The following MAP3K7CL variants were observed in gnomAD, a reference collection of about 807,000 sequenced individuals.
MAP3K7CL encodes MAP3K7 C-terminal-like protein.
Under a neutral mutation model 18.6 loss-of-function variants are expected in MAP3K7CL, and 16 were observed. The ratio of observed to expected loss-of-function variants is 0.86; its 90% confidence interval spans 0.58 to 1.31. The LOEUF is 1.31. Among genes scored for constraint, MAP3K7CL ranks in the 50% most tolerant of loss-of-function variants. The pLI, the probability that MAP3K7CL is intolerant of heterozygous loss-of-function variation, is 0.00. For synonymous variants in MAP3K7CL, 65 were observed against 66.8 expected, an observed-to-expected ratio of 0.97 and a Z score of 0.13; for missense variants, 163 against 174.4, an observed-to-expected ratio of 0.93 and a Z score of 0.37.
rs1166550061 is a variant in MAP3K7CL at position 29,123,055 on chromosome 21, C to CTTTTTTTTTTTTTTTTTTTTTT, written c.371-26131_371-26110dup. ...AAGTCAATACTGGAGAAGAAATGAT[C>CTTTTTTTTTTTTTTTTTTTTTT]TTTTTTTTTTTTTTTTTTTTTTTTG... On this transcript the variant is annotated intron_variant, in intron 4 of 6. Transcript: ENST00000286791. Among the ~76,000 whole-genome samples the CTTTTTTTTTTTTTTTTTTTTTT allele has an allele frequency of 2.2e-5, 2 of 89,336 alleles. 1 individual carries two copies. Among genetic ancestry groups the CTTTTTTTTTTTTTTTTTTTTTT allele is most frequent in the African/African-American group, 1.1e-4 (2 of 18,944 alleles). The allele number at this position is 89,336 out of a possible 152,430, so 58.6% of individuals were successfully genotyped here. A position where few individuals can be genotyped will look rare whatever the true frequency, so the allele number is the denominator to read the frequency against.
upstream of MAP3K7CL, among the ~76,000 whole-genome samples, chr21:29,084,213 T>C (rs895737633): frequency 6.6e-6 from 1 of 151,854 alleles, no homozygotes; most frequent in Non-Finnish European, 1.5e-5. Flanking sequence ...TGGCTTAAAC[T>C]GGAAACACTA....
intron 4 of MAP3K7CL, among the ~76,000 whole-genome samples, chr21:29,173,939 A>C (rs56265201): frequency 0.03 from 4,493 of 152,260 alleles, 225 homozygotes; most frequent in African/African-American, 0.1. Context: ...TGGACTCAAG[A>C]GATATTTGCC....
intron 3 of MAP3K7CL, among the ~76,000 whole-genome samples, chr21:29,149,865 A>G (rs1241881161): frequency 6.6e-6 from 1 of 152,226 alleles, no homozygotes; most frequent in Non-Finnish European, 1.5e-5. Flanking sequence ...TCTTTAGATT[A>G]TCCATGGTGA....
chr21:29,165,821 T>C (rs1487168808), intron 4 of MAP3K7CL, among the ~76,000 whole-genome samples: 1 of 152,156 alleles, frequency 6.6e-6, no homozygotes, highest in Non-Finnish European at 1.5e-5. Flanking sequence ...ATCGGGCTGC[T>C]AAAGTGCTGG....
chr21:29,127,798 T>G (rs1452506742), upstream of MAP3K7CL: 5 of 152,276 alleles, frequency 3.3e-5, no homozygotes, highest in Admixed American at 3.3e-4. Context: ...CCAGGCTCAC[T>G]TTAATGATTC....
chr21:29,144,975 T>C (rs752141866), intron 2 of MAP3K7CL, among the ~76,000 whole-genome samples: 1 of 152,234 alleles, frequency 6.6e-6, no homozygotes, highest in Non-Finnish European at 1.5e-5. Flanking sequence ...CTTAGTCACA[T>C]TGTATTTGCC....
At position 29,130,914 on chromosome 21, in the gene MAP3K7CL, A is replaced by G. The variant is rs1047527320; in HGVS notation, c.-49A>G. The G allele has an allele frequency of 1.0e-6, 1 of 985,528 alleles. No homozygotes were observed. Among genetic ancestry groups the G allele is most frequent in the South Asian group, 4.7e-5 (1 of 21,292 alleles). 61.0% of individuals were successfully genotyped at this position (985,528 alleles called of 1,614,324 possible). A position where few individuals can be genotyped will look rare whatever the true frequency, so the allele number is the denominator to read the frequency against. On this transcript the variant is annotated 5_prime_UTR_variant, in exon 1 of 5. Coordinates refer to ENST00000399928, the MANE Select transcript of MAP3K7CL (RefSeq NM_001286620.2). ...TGGGTTACACAAGTGCAGACACTCA[A>G]CTAAGTGAGGTAAGCCAACAGGTGT...
At chr21:29,160,754 G>A (rs1383981650) in intron 4 of MAP3K7CL, among the ~76,000 whole-genome samples, 1 of 152,142 alleles carries the variant, frequency 6.6e-6, no homozygotes, top group African/African-American at 2.4e-5. Flanking sequence ...TGATTACTAG[G>A]ATCTTTTGAT....
intron 4 of MAP3K7CL, among the ~76,000 whole-genome samples, chr21:29,102,941 C>CA (rs2086258934): frequency 6.6e-6 from 1 of 152,142 alleles, no homozygotes; most frequent in African/African-American, 2.4e-5. Flanking sequence ...CAGCCTTGGT[C>CA]AAGCCATCAC....
intron 2 of MAP3K7CL, among the ~76,000 whole-genome samples, chr21:29,143,860 C>T (rs1240245097): frequency 1.3e-5 from 2 of 152,108 alleles, no homozygotes; most frequent in Non-Finnish European, 1.5e-5. Flanking sequence ...CAGTGGTTCT[C>T]AAAACCTGGT....
upstream of MAP3K7CL, among the ~76,000 whole-genome samples, chr21:29,083,249 A>G (rs534097724): frequency 6.6e-6 from 1 of 152,304 alleles, no homozygotes; most frequent in African/African-American, 2.4e-5. Context: ...TCCTTATCAA[A>G]TGCCTAATTG....
At position 29,148,186 on chromosome 21, in the gene MAP3K7CL, G is replaced by A. The variant is rs541211170; in HGVS notation, c.71-1003G>A. Among the ~76,000 whole-genome samples the A allele has an allele frequency of 1.4e-4, 22 of 151,928 alleles. No homozygotes were observed. The South Asian group carries it at 4.6e-3, about 32-fold the overall frequency. Reference sequence around the variant, plus strand: ...CTGTACCTGTACTGTATGTATATGTGTACTGTATATATACCTGTACTGTAT... The same window carrying A: ...CTGTACCTGTACTGTATGTATATGTATACTGTATATATACCTGTACTGTAT... On this transcript the variant is annotated intron_variant, in intron 2 of 4. Transcript: ENST00000399928.
rs2085920449 is a variant in MAP3K7CL, at chr21:29,086,067, G to A, written c.57+150G>A. On this transcript the variant is annotated intron_variant, in intron 1 of 6. Transcript: ENST00000286791. The stretch of plus-strand genomic sequence containing the variant: ...AACCATTACTGTTGGCAATCTGTGG[G>A]AGGTCGGCAGACTATTTGTTAAGGT... 3 of 826,076 alleles carry A rather than the reference G, an allele frequency of 3.6e-6. No individual in the cohort carries two copies. In the South Asian group the frequency reaches 5.1e-5, roughly 14 times the overall value. 51.2% of individuals were successfully genotyped at this position (826,076 alleles called of 1,614,324 possible). A position where few individuals can be genotyped will look rare whatever the true frequency, so the allele number is the denominator to read the frequency against.
intron 4 of MAP3K7CL, among the ~76,000 whole-genome samples, chr21:29,122,873 C>A (rs73192185): frequency 6.6e-6 from 1 of 152,016 alleles, no homozygotes; most frequent in Non-Finnish European, 1.5e-5. Flanking sequence ...TTCCTGCCTC[C>A]TGTCTGTATC....
chr21:29,102,762 A>G (rs917278754), intron 4 of MAP3K7CL: 2 of 152,226 alleles, frequency 1.3e-5, no homozygotes, highest in Admixed American at 6.5e-5. Context: ...TAATTAGGTC[A>G]TAGAATGCCT....
At chr21:29,153,515 A>G (rs1052974502) in intron 3 of MAP3K7CL, among the ~76,000 whole-genome samples, 1 of 152,096 alleles carries the variant, frequency 6.6e-6, no homozygotes, top group Non-Finnish European at 1.5e-5. Flanking sequence ...TGGCATGATC[A>G]TGGCTCACTG....
At chr21:29,148,673 C>T (rs542056140) in intron 2 of MAP3K7CL, among the ~76,000 whole-genome samples, 40 of 152,262 alleles carry the variant, frequency 2.6e-4, no homozygotes, top group Admixed American at 5.2e-4. Context: ...GCCTGCTTCT[C>T]ACTGTAACCC....
intron 4 of MAP3K7CL, among the ~76,000 whole-genome samples, chr21:29,118,246 G>A: frequency 6.9e-6 from 1 of 143,922 alleles, no homozygotes; most frequent in African/African-American, 2.6e-5. Context: ...AACCACACCT[G>A]GCTAATTTTT....
chr21:29,115,609 C>T (rs2086492174), intron 4 of MAP3K7CL, among the ~76,000 whole-genome samples: 3 of 152,288 alleles, frequency 2.0e-5, no homozygotes, highest in Middle Eastern at 3.4e-3. Flanking sequence ...TCCATTTCCC[C>T]ATCTGTAAAA....
Sources: gnomAD v4.1 joint callset for allele counts (sites outside exome capture counted in the v4.1 genomes callset) on GRCh38, gnomAD v4.1.1 for gene constraint, MANE v1.5 for transcripts, NCBI Gene and HGNC (gene_info 2026-07-23, HGNC 2026-07-21) for gene names.